RBPJ: variants seen among roughly 807,000 people sequenced by gnomAD.
RBPJ encodes recombining binding protein suppressor of hairless.
RBPJ carries 9 observed loss-of-function variants against 67.8 expected under a neutral mutation model. The observed-to-expected ratio is 0.13, with a 90% CI of 0.08 to 0.23. The LOEUF is 0.23. Among genes scored for constraint, RBPJ ranks in the 10% least tolerant of loss-of-function variants. RBPJ has a pLI of 1.00. For synonymous variants in RBPJ, 198 were observed against 203.3 expected, an observed-to-expected ratio of 0.97 and a Z score of 0.22; for missense variants, 305 against 595.6, an observed-to-expected ratio of 0.51 and a Z score of 5.08.
the RBPJ span, among the ~76,000 whole-genome samples, chr4:26,120,436 G>A: frequency 3.3e-5 from 5 of 152,190 alleles, no homozygotes; most frequent in African/African-American, 4.8e-5. Context: ...ACCTGAAATC[G>A]TTCTCTCGGT....
chr4:26,117,133 T>C, the RBPJ span, among the ~76,000 whole-genome samples: 62,291 of 152,008 alleles, frequency 0.41, 13,505 homozygotes, highest in Non-Finnish European at 0.46. Context: ...ATTTTTTAAG[T>C]GAAGGGCTAT....
At chr4:26,330,375 A>T (rs1234117025) in intron 1 of RBPJ, among the ~76,000 whole-genome samples, 1 of 152,236 alleles carries the variant, frequency 6.6e-6, no homozygotes, top group African/African-American at 2.4e-5. Flanking sequence ...AATATATAAC[A>T]CTTGCCACTA....
rs1264929494 is a variant in RBPJ, at chr4:26,214,644, AAG to A, written c.-167+51032_-167+51033del. ...AGAAAAAAGAGAAAGAAAAAGAAAA[AAG>A]AAAGAGAAAAAGGAAGGAAGAAACA... On this transcript the variant is annotated intron_variant, in intron 1 of 4. Coordinates refer to the RBPJ transcript ENST00000512351. 6.5e-5 allele frequency among the ~76,000 whole-genome samples: 9 copies of A among 138,968 alleles called. 1 individual carries two copies. Among genetic ancestry groups the A allele is most frequent in the African/African-American group, 1.1e-4 (4 of 35,496 alleles). The allele number at this position is 138,968 out of a possible 152,430, so 91.2% of individuals were successfully genotyped here.
At chr4:26,349,095 C>T (rs984272371) in intron 1 of RBPJ, among the ~76,000 whole-genome samples, 4 of 151,002 alleles carry the variant, frequency 2.6e-5, no homozygotes, top group Non-Finnish European at 4.4e-5. Flanking sequence ...TGTGCGCGCG[C>T]GCACGCACTT....
At chr4:26,394,018 A>C (rs1731830090) in intron 2 of RBPJ, among the ~76,000 whole-genome samples, 1 of 142,182 alleles carries the variant, frequency 7.0e-6, no homozygotes, top group South Asian at 2.3e-4. Context: ...CACTGTTACT[A>C]TGGATTCATT....
At chr4:26,405,352 G>A (rs1221729425) in intron 2 of RBPJ, among the ~76,000 whole-genome samples, 3 of 152,176 alleles carry the variant, frequency 2.0e-5, no homozygotes, top group Non-Finnish European at 2.9e-5. Flanking sequence ...GGATGTGTAA[G>A]ACATCTCAAG....
chr4:26,369,815 C>A (rs1553872721), intron 1 of RBPJ, among the ~76,000 whole-genome samples: 1 of 152,044 alleles, frequency 6.6e-6, no homozygotes, highest in East Asian at 1.9e-4. Context: ...TTTTTCACTG[C>A]TCTTTTGTAC....
intron 1 of RBPJ, among the ~76,000 whole-genome samples, chr4:26,347,092 A>G (rs1431598560): frequency 1.3e-5 from 2 of 152,202 alleles, no homozygotes; most frequent in African/African-American, 4.8e-5. Flanking sequence ...ATTTGTTGAA[A>G]TGAGATGGCC....
At chr4:26,321,412 C>T (rs1312802231) in intron 1 of RBPJ, 1 of 152,114 alleles carries the variant, frequency 6.6e-6, no homozygotes, top group Non-Finnish European at 1.5e-5. Flanking sequence ...CGCCGCTTCG[C>T]CCCGCTAGTG....
intron 1 of RBPJ, among the ~76,000 whole-genome samples, chr4:26,307,145 C>A (rs1398330549): frequency 6.6e-6 from 1 of 152,188 alleles, no homozygotes; most frequent in Non-Finnish European, 1.5e-5. Context: ...CGAGGCACAT[C>A]TGTAAAAACA....
rs1281797525 is a variant in RBPJ, at chr4:26,223,936, C to T, written c.-167+60322C>T. Among the ~76,000 whole-genome samples, 19 of 152,196 alleles carry T rather than the reference C, an allele frequency of 1.2e-4. 1 individual carries two copies. The highest frequency in any genetic ancestry group is 1.2e-3 in the Admixed American group (19 of 15,274). On this transcript the variant is annotated intron_variant, in intron 1 of 4. Coordinates refer to the RBPJ transcript ENST00000512351. ...GGAACTCTATGACCTTGGCAAATTACTTGATTTCTCTGTGCTTAATTTTCT... is the reference window on the plus strand; with the variant it reads ...GGAACTCTATGACCTTGGCAAATTATTTGATTTCTCTGTGCTTAATTTTCT...
intron 2 of RBPJ, among the ~76,000 whole-genome samples, chr4:26,386,993 G>A (rs1730981206): frequency 6.6e-6 from 1 of 151,978 alleles, no homozygotes; most frequent in African/African-American, 2.4e-5. Context: ...TCAAGAAAAT[G>A]AGATATATAT....
At chr4:26,411,595 C>T (rs1734023515) in intron 3 of RBPJ, among the ~76,000 whole-genome samples, 1 of 149,640 alleles carries the variant, frequency 6.7e-6, no homozygotes, top group Non-Finnish European at 1.5e-5. Flanking sequence ...TTTTTAAAGA[C>T]TCAGACTATT....
chr4:26,203,523 C>T (rs542163271), intron 1 of RBPJ, among the ~76,000 whole-genome samples: 3 of 152,240 alleles, frequency 2.0e-5, no homozygotes, highest in South Asian at 4.1e-4. Context: ...GTCTGTCTTC[C>T]TCCCCTAACA....
chr4:26,426,146 C>CA (rs752650966), intron 7 of RBPJ, among the ~76,000 whole-genome samples: 35 of 152,110 alleles, frequency 2.3e-4, no homozygotes, highest in South Asian at 1.0e-3. Context: ...CAGAAGCAAG[C>CA]AAAAAATCTG....
intron 1 of RBPJ, among the ~76,000 whole-genome samples, chr4:26,355,734 A>G (rs1322413541): frequency 3.3e-5 from 5 of 152,226 alleles, no homozygotes; most frequent in African/African-American, 1.2e-4. Context: ...AACGTAAGTG[A>G]AGACAGTCTG....
At chr4:26,216,042 G>T (rs1043888100) in intron 1 of RBPJ, among the ~76,000 whole-genome samples, 2 of 152,262 alleles carry the variant, frequency 1.3e-5, no homozygotes, top group East Asian at 1.9e-4. Context: ...GACCCCGGGG[G>T]AAATTCAGTT....
intron 1 of RBPJ, among the ~76,000 whole-genome samples, chr4:26,379,694 G>A (rs1483224492): frequency 6.6e-6 from 1 of 151,996 alleles, no homozygotes; most frequent in Non-Finnish European, 1.5e-5. Context: ...CAAGAGATTT[G>A]GGTAAGAACA....
At position 26,201,826 on chromosome 4, in the gene RBPJ, T is replaced by C. The variant is rs116710627; in HGVS notation, c.-167+38212T>C. Among the ~76,000 whole-genome samples, 1,467 of 152,286 alleles carry C rather than the reference T, an allele frequency of 9.6e-3. 21 individuals are homozygous for C. The highest frequency in any genetic ancestry group is 0.033 in the African/African-American group (1,383 of 41,560). On this transcript the variant is annotated intron_variant, in intron 1 of 4. Coordinates refer to the RBPJ transcript ENST00000512351. ...TTTCTCTTGGTTTATTCTTGCCCCCTGAGTCACACAAGAAACTCAAGACTT... is the reference window on the plus strand; with the variant it reads ...TTTCTCTTGGTTTATTCTTGCCCCCCGAGTCACACAAGAAACTCAAGACTT...
Sources: gnomAD v4.1 joint callset for allele counts (sites outside exome capture counted in the v4.1 genomes callset) on GRCh38, gnomAD v4.1.1 for gene constraint, MANE v1.5 for transcripts, NCBI Gene and HGNC (gene_info 2026-07-23, HGNC 2026-07-21) for gene names.